The following TCF4 variants were observed in gnomAD, a reference collection of about 807,000 sequenced individuals.
The protein encoded by TCF4 is SL3-3 enhancer factor 2.
TCF4 carries 3 observed loss-of-function variants against 82.1 expected under a neutral mutation model. The ratio of observed to expected loss-of-function variants is 0.04; its 90% confidence interval spans 0.02 to 0.09. TCF4 has a LOEUF of 0.09. Ranked by LOEUF, TCF4 falls within the 10% of genes least tolerant of loss-of-function variation. TCF4 has a pLI of 1.00. For missense variants in TCF4, 518 were observed against 852.7 expected (o/e 0.61, Z 4.89); for synonymous variants, 276 against 309.6 (o/e 0.89, Z 1.14).
At chr18:55,270,094 A>G (rs2060026144) in intron 10 of TCF4, 131 bp from the exon 11 acceptor site, 2 of 1,168,846 alleles carry the variant, frequency 1.7e-6, no homozygotes, top group Non-Finnish European at 2.5e-6. Flanking sequence ...ATAGCCAAGA[A>G]TATATCTTGT....
chr18:55,444,465 G>A (rs2095492527), intron 5 of TCF4, among the ~76,000 whole-genome samples: 1 of 152,144 alleles, frequency 6.6e-6, no homozygotes, highest in African/African-American at 2.4e-5. Context: ...GTTCTACAAT[G>A]TGTTGAAAGT....
At chr18:55,497,853 G>C (rs2096654225) in intron 3 of TCF4, among the ~76,000 whole-genome samples, 1 of 151,954 alleles carries the variant, frequency 6.6e-6, no homozygotes, top group African/African-American at 2.4e-5. Flanking sequence ...CATGAAATTG[G>C]AAGGGGAAAA....
intron 8 of TCF4, chr18:55,322,141 C>G (rs2075727201): frequency 2.0e-6 from 2 of 1,021,480 alleles, no homozygotes; most frequent in Middle Eastern, 4.4e-4. Flanking sequence ...TTGTTCTAGG[C>G]ACCCTTTTCT....
intron 3 of TCF4, among the ~76,000 whole-genome samples, chr18:55,583,321 G>C (rs902798534): frequency 2.0e-5 from 3 of 151,984 alleles, no homozygotes; most frequent in African/African-American, 7.2e-5. Flanking sequence ...AGGTTTGCAT[G>C]CATGAACATA....
intron 3 of TCF4, among the ~76,000 whole-genome samples, chr18:55,556,575 A>C (rs1044599836): frequency 6.6e-6 from 1 of 152,114 alleles, no homozygotes; most frequent in Non-Finnish European, 1.5e-5. Context: ...GGCTGGTCTC[A>C]AACTCCTGGG....
chr18:55,490,691 T>TCA (rs999163032), intron 3 of TCF4, among the ~76,000 whole-genome samples: 4 of 152,030 alleles, frequency 2.6e-5, no homozygotes, highest in African/African-American at 9.7e-5. Context: ...GTTAGCAACC[T>TCA]CATTAAAGGC....
intron 3 of TCF4, among the ~76,000 whole-genome samples, chr18:55,500,075 C>T (rs1223984246): frequency 6.6e-6 from 1 of 151,650 alleles, no homozygotes; most frequent in South Asian, 2.1e-4. Context: ...CCCAGCTACT[C>T]GGAGGCTGAG....
At chr18:55,510,902 A>C (rs2096821239) in intron 3 of TCF4, 7 of 459,600 alleles carry the variant, frequency 1.5e-5, no homozygotes, top group Admixed American at 5.7e-5. Flanking sequence ...TAAAATATGA[A>C]TCAACAAGAT....
chr18:55,249,194 A>G (rs1199517396), intron 15 of TCF4, among the ~76,000 whole-genome samples: 1 of 152,192 alleles, frequency 6.6e-6, no homozygotes, highest in Non-Finnish European at 1.5e-5. Flanking sequence ...TTAACTATAC[A>G]AGGAAAACTA....
At chr18:55,622,518 A>G (rs2097722395) in intron 2 of TCF4, among the ~76,000 whole-genome samples, 1 of 151,808 alleles carries the variant, frequency 6.6e-6, no homozygotes, top group Admixed American at 6.6e-5. Flanking sequence ...AAAAAAAAAA[A>G]AAAAAAAGTA....
At chr18:55,244,059 A>G (rs2052233996) in intron 15 of TCF4, among the ~76,000 whole-genome samples, 1 of 152,174 alleles carries the variant, frequency 6.6e-6, no homozygotes. Context: ...CTTAAAAAAA[A>G]AGTACAATGT....
intron 5 of TCF4, among the ~76,000 whole-genome samples, chr18:55,451,726 T>A (rs1603474607): frequency 6.6e-6 from 1 of 152,160 alleles, no homozygotes; most frequent in African/African-American, 2.4e-5. Context: ...ACAAAGTGTT[T>A]AATCGCAACC....
At chr18:55,408,457 G>C (rs147967655) in intron 5 of TCF4, among the ~76,000 whole-genome samples, 64 of 152,176 alleles carry the variant, frequency 4.2e-4, no homozygotes, top group African/African-American at 1.5e-3. Context: ...ATGTAGAAAG[G>C]ACTAGTTCAT....
At chr18:55,243,681 G>C (rs911190881) in intron 15 of TCF4, among the ~76,000 whole-genome samples, 1 of 152,090 alleles carries the variant, frequency 6.6e-6, no homozygotes, top group Non-Finnish European at 1.5e-5. Flanking sequence ...TTTGCAAGCA[G>C]TAGGTATCTG....
intron 3 of TCF4, among the ~76,000 whole-genome samples, chr18:55,494,295 G>GAA (rs536407161): frequency 3.2e-5 from 4 of 125,692 alleles, no homozygotes; most frequent in African/African-American, 1.1e-4. Flanking sequence ...TTCTATTTGA[G>GAA]AAAAAAAAAA....
At chr18:55,620,784 T>C (rs1190944858) in intron 2 of TCF4, among the ~76,000 whole-genome samples, 2 of 148,270 alleles carry the variant, frequency 1.3e-5, no homozygotes, top group Admixed American at 6.7e-5. Context: ...TATTATCTCA[T>C]ATATTTTGTC....
intron 8 of TCF4, among the ~76,000 whole-genome samples, chr18:55,330,516 T>C (rs1166743862): frequency 1.3e-5 from 2 of 152,062 alleles, no homozygotes; most frequent in Admixed American, 1.3e-4. Context: ...TCATATGTTC[T>C]GCAATAAACA....
At chr18:55,247,795 T>C (rs1183138431) in intron 15 of TCF4, among the ~76,000 whole-genome samples, 2 of 152,226 alleles carry the variant, frequency 1.3e-5, no homozygotes, top group African/African-American at 4.8e-5. Context: ...CAGCAGACTG[T>C]CTTCAAATAA....
chr18:55,229,356 AG>A (rs2047216109), intron 17 of TCF4: 1 of 480,048 alleles, frequency 2.1e-6, no homozygotes, highest in African/African-American at 2.0e-5. Flanking sequence ...ATACTGATAC[AG>A]GGGGGCAGAA....
Sources: allele counts gnomAD v4.1 joint callset (sites outside exome capture counted in the v4.1 genomes callset), GRCh38; gene constraint gnomAD v4.1.1; transcripts MANE v1.5; gene names NCBI Gene and HGNC (gene_info 2026-07-23, HGNC 2026-07-21).